C12orf42: variants seen among roughly 807,000 people sequenced by gnomAD.
C12orf42 encodes uncharacterized protein C12orf42.
Under a neutral mutation model 21.6 loss-of-function variants are expected in C12orf42, and 25 were observed. The ratio of observed to expected loss-of-function variants is 1.16; its 90% CI spans 0.84 to 1.62. C12orf42 has a LOEUF of 1.62. C12orf42 is among the 40% of genes most tolerant of loss of function. C12orf42 has a pLI of 0.00. For missense variants in C12orf42, 483 were observed against 459.3 expected, an observed-to-expected ratio of 1.05 and a Z score of -0.47; for synonymous variants, 174 against 175.0, an observed-to-expected ratio of 0.99 and a Z score of 0.05.
chr12:103,262,004 T>G (rs1014918707), intron 10 of C12orf42, among the ~76,000 whole-genome samples: 3 of 152,224 alleles, frequency 2.0e-5, no homozygotes, highest in Non-Finnish European at 2.9e-5. Context: ...TGCCAGGACT[T>G]GCTCTGTCAT....
the C12orf42 span, among the ~76,000 whole-genome samples, chr12:103,228,537 T>G: frequency 6.6e-6 from 1 of 152,152 alleles, no homozygotes; most frequent in African/African-American, 2.4e-5. Flanking sequence ...TGGCTTGGCT[T>G]GGGCTCAGAG....
chr12:103,330,664 T>A (rs968536308), intron 4 of C12orf42, among the ~76,000 whole-genome samples: 2 of 152,242 alleles, frequency 1.3e-5, no homozygotes, highest in Non-Finnish European at 2.9e-5. Context: ...AGGAGTATTA[T>A]TTTTTGGTGG....
the C12orf42 span, among the ~76,000 whole-genome samples, chr12:103,210,232 T>A: frequency 0.34 from 51,596 of 152,104 alleles, 9,582 homozygotes; most frequent in South Asian, 0.43. Flanking sequence ...ATTTACATTG[T>A]TGTGTCTAGG....
At chr12:103,522,738 C>T in the C12orf42 span, among the ~76,000 whole-genome samples, 3 of 152,144 alleles carry the variant, frequency 2.0e-5, no homozygotes, top group Non-Finnish European at 2.9e-5. Context: ...AATAACACAC[C>T]CTTGGATGGG....
chr12:103,236,299 T>C (rs894835270), downstream of C12orf42, among the ~76,000 whole-genome samples: 1 of 152,196 alleles, frequency 6.6e-6, no homozygotes, highest in Non-Finnish European at 1.5e-5. Flanking sequence ...TTTTGCCAGA[T>C]GAATAAATTC....
chr12:103,310,479 G>A (rs529910985), intron 4 of C12orf42, among the ~76,000 whole-genome samples: 1 of 152,216 alleles, frequency 6.6e-6, no homozygotes, highest in African/African-American at 2.4e-5. Flanking sequence ...TTTAAATGTT[G>A]GTAACATTTT....
the C12orf42 span, among the ~76,000 whole-genome samples, chr12:103,227,943 G>T: frequency 2.0e-5 from 3 of 152,212 alleles, no homozygotes; most frequent in Non-Finnish European, 4.4e-5. Flanking sequence ...AAGAGAGTAA[G>T]AAGAGGCCAC....
intron 4 of C12orf42, among the ~76,000 whole-genome samples, chr12:103,281,965 G>GAAAGAAAGAAAGAAAGAA (rs1566016350): frequency 2.6e-5 from 3 of 113,766 alleles, no homozygotes; most frequent in African/African-American, 9.7e-5. Context: ...GAAAGAAAGA[G>GAAAGAAAGAAAGAAAGAA]ATCGATCCTA....
the C12orf42 span, among the ~76,000 whole-genome samples, chr12:103,146,592 G>GAAAGAAAGAAAGAAAGAAAGAA: frequency 8.1e-5 from 12 of 148,820 alleles, no homozygotes; most frequent in African/African-American, 2.8e-4. Context: ...AAGAAAGAAA[G>GAAAGAAAGAAAGAAAGAAAGAA]AAAGAAAGAA....
chr12:103,370,768 AC>A (rs1293932683), intron 3 of C12orf42, among the ~76,000 whole-genome samples: 1 of 152,084 alleles, frequency 6.6e-6, no homozygotes, highest in African/African-American at 2.4e-5. Flanking sequence ...CAGAAAAAAT[AC>A]CCTATGGGAT....
At chr12:103,301,529 C>A (rs1167984166), downstream of C12orf42, among the ~76,000 whole-genome samples, 1 of 152,130 alleles carries the variant, frequency 6.6e-6, no homozygotes, top group Non-Finnish European at 1.5e-5. Flanking sequence ...AAATTCAGCA[C>A]CTCTTTTACA....
chr12:103,162,324 A>G, the C12orf42 span, among the ~76,000 whole-genome samples: 2 of 152,154 alleles, frequency 1.3e-5, no homozygotes, highest in Non-Finnish European at 2.9e-5. Context: ...CTCAGTACCC[A>G]CTGGGGTAGA....
the C12orf42 span, among the ~76,000 whole-genome samples, chr12:103,051,022 A>G: frequency 6.6e-6 from 1 of 152,164 alleles, no homozygotes; most frequent in African/African-American, 2.4e-5. Context: ...GCACTTAATG[A>G]GTTTCCTTCA....
intron 2 of C12orf42, among the ~76,000 whole-genome samples, chr12:103,446,949 G>A (rs1358590473): frequency 6.6e-6 from 1 of 151,938 alleles, no homozygotes; most frequent in Non-Finnish European, 1.5e-5. Flanking sequence ...CATTAGACAT[G>A]TCATCAAGAC....
chr12:103,255,234 G>C (rs1027773187), intron 10 of C12orf42, among the ~76,000 whole-genome samples: 1 of 151,878 alleles, frequency 6.6e-6, no homozygotes, highest in Non-Finnish European at 1.5e-5. Flanking sequence ...TAGCTGGGTG[G>C]GGTGGTGCAT....
the C12orf42 span, among the ~76,000 whole-genome samples, chr12:103,058,835 TAA>T: frequency 1.3e-5 from 2 of 152,112 alleles, no homozygotes; most frequent in African/African-American, 4.8e-5. Flanking sequence ...AAAGCAGTGT[TAA>T]GAGAGAAATT....
chr12:103,096,586 G>A, the C12orf42 span, among the ~76,000 whole-genome samples: 19 of 152,102 alleles, frequency 1.2e-4, no homozygotes, highest in Non-Finnish European at 1.9e-4. Context: ...TTGTGGTCCC[G>A]TATTTATGAA....
chr12:103,314,984 G>A (rs889068851), intron 4 of C12orf42, among the ~76,000 whole-genome samples: 12 of 152,092 alleles, frequency 7.9e-5, no homozygotes, highest in Non-Finnish European at 1.6e-4. Flanking sequence ...CTGTGTGAAA[G>A]GGTAGTTAGG....
chr12:103,502,910 T>C, the C12orf42 span, among the ~76,000 whole-genome samples: 2 of 152,222 alleles, frequency 1.3e-5, no homozygotes, highest in Admixed American at 1.3e-4. Flanking sequence ...TGAGTTTTGA[T>C]AGTCCAATAT....
Sources: allele counts gnomAD v4.1 joint callset (sites outside exome capture counted in the v4.1 genomes callset), GRCh38; gene constraint gnomAD v4.1.1; transcripts MANE v1.5; gene names NCBI Gene and HGNC (gene_info 2026-07-23, HGNC 2026-07-21).